GALNT5: variants seen among roughly 807,000 people sequenced by gnomAD.
GALNT5 encodes polypeptide N-acetylgalactosaminyltransferase 5, also known as UDP-GalNAc:polypeptide N-acetylgalactosaminyltransferase 5.
A neutral mutation model predicts 85.4 loss-of-function variants in GALNT5; 72 were observed. That is an observed-to-expected ratio of 0.84 (90% CI 0.70 to 1.03). The LOEUF (loss-of-function observed/expected upper bound fraction) is 1.03, where lower values mean the gene tolerates loss of function less well. Among genes scored for constraint, GALNT5 ranks in the 50% least tolerant of loss-of-function variants. GALNT5 has a pLI of 0.00. For synonymous variants in GALNT5, 404 were observed against 397.0 expected (o/e 1.02, Z -0.21); for missense variants, 1,137 against 1,135.5 (o/e 1.00, Z -0.02).
At chr2:157,299,128 C>A in intron 5 of GALNT5, 1 of 155,394 alleles carries the variant, frequency 6.4e-6, no homozygotes. Flanking sequence ...AATGGGCTGA[C>A]AGATGTTGCA....
chr2:157,282,432 G>A (rs1682876544), intron 1 of GALNT5, among the ~76,000 whole-genome samples: 1 of 152,092 alleles, frequency 6.6e-6, no homozygotes, highest in African/African-American at 2.4e-5. Context: ...TTCTGGGGCT[G>A]AGGATTGGAT....
At position 157,308,734 on chromosome 2, in the gene GALNT5, C is replaced by T. The variant is rs777009184; in HGVS notation, c.2682+6C>T. 5.6e-6 allele frequency: 9 copies of T among 1,604,250 alleles called. No homozygotes were observed. The highest frequency in any genetic ancestry group is 1.3e-5 in the African/African-American group (1 of 74,376). ...CAGTCTTTCATCCAGAACTGGTAAGCAAAAGATTGGTACCTCTTCTTTACC... is the reference window on the plus strand; with the variant it reads ...CAGTCTTTCATCCAGAACTGGTAAGTAAAAGATTGGTACCTCTTCTTTACC... On this transcript the variant is annotated splice_donor_region_variant and intron_variant, in intron 9 of 9. Coordinates refer to ENST00000259056, the MANE Select transcript of GALNT5 (RefSeq NM_014568.3).
chr2:157,290,112 T>TACATACACAC (rs1553463001), intron 3 of GALNT5, among the ~76,000 whole-genome samples: 3 of 138,254 alleles, frequency 2.2e-5, no homozygotes, highest in African/African-American at 9.2e-5. Flanking sequence ...TATATATATA[T>TACATACACAC]ACATACACAA....
chr2:157,260,730 G>A (rs1682318405), intron 1 of GALNT5, among the ~76,000 whole-genome samples: 1 of 152,224 alleles, frequency 6.6e-6, no homozygotes, highest in Admixed American at 6.5e-5. Flanking sequence ...GGCAGATACA[G>A]GAGAAGCTTT....
At chr2:157,263,933 T>G (rs986334942) in intron 1 of GALNT5, among the ~76,000 whole-genome samples, 2 of 152,232 alleles carry the variant, frequency 1.3e-5, no homozygotes, top group African/African-American at 4.8e-5. Context: ...TGGTTCTTAA[T>G]TTTAATGTTT....
At chr2:157,296,554 C>G (rs1683218757) in intron 5 of GALNT5, 41 bp downstream of exon 5, 2 of 1,524,556 alleles carry the variant, frequency 1.3e-6, no homozygotes, top group Non-Finnish European at 1.8e-6. Context: ...AGTCATGTAT[C>G]TTTTTGTAAA....
At position 157,299,658 on chromosome 2, in the gene GALNT5, C is replaced by A. The variant is rs773594887; in HGVS notation, c.2108C>A (p.Ser703Ter). Residue 703 changes from serine (S) to a stop codon, truncating the protein, a stop_gained, in exon 6 of 10, where the codon TCA (serine) becomes TAA (stop). Transcript: ENST00000259056. LOFTEE classifies it high-confidence loss of function. ...DVWGGENMEL[S>*]FKVWMCGGEI... ...TGGGGTGGGGAAAATATGGAGCTCT[C>A]ATTCAAGGTATTACCAGGTGTTTCC... 17 of 1,558,892 alleles carry A rather than the reference C, an allele frequency of 1.1e-5. No individual in the cohort carries two copies. The African/African-American group carries it at 2.0e-4, about 19-fold the overall frequency.
intron 1 of GALNT5, among the ~76,000 whole-genome samples, chr2:157,280,675 G>C (rs1558895155): frequency 6.6e-6 from 1 of 152,156 alleles, no homozygotes; most frequent in Non-Finnish European, 1.5e-5. Context: ...AAGTGATATG[G>C]TTTGGATGTT....
Position 157,300,723 on chromosome 2 carries a change from G to T in GALNT5, c.2163G>T (p.Val721=), listed in dbSNP as rs757254642. ...TTGAGATCATTCCCTGCTCCCGAGTGGGCCATATATTCAGAAATGACAATC... is the reference window on the plus strand; with the variant it reads ...TTGAGATCATTCCCTGCTCCCGAGTTGGCCATATATTCAGAAATGACAATC... ...GEIEIIPCSR[V]GHIFRNDNPY... The change falls in exon 7 of 10, where the codon GTG becomes GTT. Residue 721 remains valine, a synonymous_variant. Transcript: ENST00000259056. The T allele has an allele frequency of 5.6e-6, 9 of 1,613,918 alleles. No individual in the cohort carries two copies. In the South Asian group the frequency reaches 6.6e-5, roughly 12 times the overall value.
intron 3 of GALNT5, among the ~76,000 whole-genome samples, chr2:157,288,453 G>T (rs1192331177): frequency 6.6e-6 from 1 of 152,106 alleles, no homozygotes; most frequent in Non-Finnish European, 1.5e-5. Flanking sequence ...TTTGAGCTGA[G>T]GTCTGGGTGA....
At position 157,299,540 on chromosome 2, in the gene GALNT5, T is replaced by G. The variant is rs781360471; in HGVS notation, c.1998-8T>G. 3.9e-6 allele frequency: 6 copies of G among 1,553,492 alleles called. No homozygotes were observed. The highest frequency in any genetic ancestry group is 5.3e-6 in the Non-Finnish European group (6 of 1,131,468). On this transcript the variant is annotated splice_polypyrimidine_tract_variant and splice_region_variant and intron_variant, in intron 5 of 9. Transcript: ENST00000259056. Reference sequence around the variant, plus strand: ...GCAAGTTTAAAAAACAAACTTTTCTTTTTGTAGGTGCCCTGTCATGGCTGG... The same window carrying G: ...GCAAGTTTAAAAAACAAACTTTTCTGTTTGTAGGTGCCCTGTCATGGCTGG...
At chr2:157,264,597 G>GT (rs113192643) in intron 1 of GALNT5, among the ~76,000 whole-genome samples, 100 of 151,116 alleles carry the variant, frequency 6.6e-4, no homozygotes, top group African/African-American at 1.9e-3. Flanking sequence ...CTAAAGAAAG[G>GT]TTTTTTTTTG....
intron 1 of GALNT5, among the ~76,000 whole-genome samples, chr2:157,273,958 A>G (rs564003198): frequency 1.3e-5 from 2 of 152,020 alleles, no homozygotes; most frequent in Admixed American, 1.3e-4. Context: ...ATTTCTCCTA[A>G]TGCTATCCCT....
intron 1 of GALNT5, among the ~76,000 whole-genome samples, chr2:157,268,486 T>C (rs1390543876): frequency 2.0e-5 from 3 of 152,196 alleles, no homozygotes; most frequent in African/African-American, 7.2e-5. Context: ...TCACAAAATA[T>C]TTTTACATCC....
intron 1 of GALNT5, among the ~76,000 whole-genome samples, chr2:157,266,417 C>T (rs568949210): frequency 4.8e-4 from 73 of 152,332 alleles, no homozygotes; most frequent in African/African-American, 1.6e-3. Flanking sequence ...ACTCTCCCCA[C>T]GTAGTGACCA....
Position 157,259,459 on chromosome 2 carries a change from G to C in GALNT5, c.1377G>C (p.Trp459Cys). 2.7e-6 allele frequency: 4 copies of C among 1,462,248 alleles called. No homozygotes were observed. Among genetic ancestry groups the C allele is most frequent in the Non-Finnish European group, 3.6e-6 (4 of 1,105,200 alleles). The allele number at this position is 1,462,248 out of a possible 1,614,324, so 90.6% of individuals were successfully genotyped here. ...HGKEKEAERR[W>C]KEGNFNVYLS... ...AGGAGAAGGAGGCAGAAAGAAGATGGAAAGAAGGAAACTTCAATGTCTACC... is the reference window on the plus strand; with the variant it reads ...AGGAGAAGGAGGCAGAAAGAAGATGCAAAGAAGGAAACTTCAATGTCTACC... Residue 459 changes from tryptophan (W) to cysteine (C), a missense_variant, in exon 1 of 10, where the codon TGG (tryptophan) becomes TGC (cysteine). Transcript: ENST00000259056.
At chr2:157,280,677 T>C (rs1373894478) in intron 1 of GALNT5, among the ~76,000 whole-genome samples, 2 of 152,230 alleles carry the variant, frequency 1.3e-5, no homozygotes, top group East Asian at 3.9e-4. Context: ...GTGATATGGT[T>C]TGGATGTTTG....
intron 9 of GALNT5, among the ~76,000 whole-genome samples, 178 bp from the exon 10 acceptor site, chr2:157,311,030 A>G (rs923351170): frequency 6.6e-6 from 1 of 152,190 alleles, no homozygotes; most frequent in Non-Finnish European, 1.5e-5. Context: ...TTAGTCTGAG[A>G]CAGAGACAAA....
chr2:157,286,156 T>C, intron 3 of GALNT5, 22 bp downstream of exon 3: 1 of 1,596,774 alleles, frequency 6.3e-7, no homozygotes. Flanking sequence ...CTCATTTTTT[T>C]GTTTGTTACA....
Sources: allele counts gnomAD v4.1 joint callset (sites outside exome capture counted in the v4.1 genomes callset), GRCh38; gene constraint gnomAD v4.1.1; transcripts MANE v1.5; gene names NCBI Gene and HGNC (gene_info 2026-07-23, HGNC 2026-07-21).